The following KALRN variants were observed in gnomAD, a reference collection of about 807,000 sequenced individuals.
KALRN encodes kalirin.
KALRN carries 70 observed loss-of-function variants against 353.7 expected under a neutral mutation model. That is an observed-to-expected ratio of 0.20 (90% CI 0.16 to 0.24). The LOEUF (loss-of-function observed/expected upper bound fraction) is 0.24, where lower values mean the gene tolerates loss of function less well. Ranked by LOEUF, KALRN falls within the 10% of genes least tolerant of loss-of-function variation. The probability of loss-of-function intolerance (pLI) is 1.00; values close to 1 mark genes in which losing one functional copy is unlikely to be tolerated. For synonymous variants in KALRN, 1,391 were observed against 1,434.8 expected (o/e 0.97, Z 0.69); for missense variants, 2,791 against 3,756.7 (o/e 0.74, Z 6.72).
At chr3:124,404,250 C>G (rs2091247010) in intron 13 of KALRN, among the ~76,000 whole-genome samples, 2 of 151,212 alleles carry the variant, frequency 1.3e-5, no homozygotes, top group Admixed American at 6.6e-5. Flanking sequence ...TTTCCTTTAT[C>G]TGAAAAATGG....
At chr3:124,577,171 T>C (rs963739701) in intron 34 of KALRN, among the ~76,000 whole-genome samples, 6 of 151,512 alleles carry the variant, frequency 4.0e-5, no homozygotes, top group Admixed American at 3.9e-4. Context: ...CCCCCTACCT[T>C]GAACCTGGTT....
Position 124,455,247 on chromosome 3 carries a change from C to G in KALRN, c.3623C>G (p.Ala1208Gly). The part of the protein sequence containing the change: ...DSFVEKGHIH[A>G]TEIRKWVTTV... Reference sequence around the variant, plus strand: ...TTTGTGGAAAAAGGCCACATTCATGCCACGGAGATAAGGAAATGGGTGACC... The same window carrying G: ...TTTGTGGAAAAAGGCCACATTCATGGCACGGAGATAAGGAAATGGGTGACC... Residue 1208 changes from alanine to glycine, a missense_variant, in exon 22 of 60, where the codon GCC (alanine) becomes GGC (glycine). Physicochemically the swap from Ala to Gly is moderately conservative, Grantham distance 60. Coordinates refer to ENST00000682506, the MANE Select transcript of KALRN (RefSeq NM_001388419.1). 6.2e-7 allele frequency: 1 copy of G among 1,614,142 alleles called. No individual in the cohort carries two copies. The highest frequency in any genetic ancestry group is 2.2e-5 in the East Asian group (1 of 44,878).
chr3:124,250,133 C>T (rs1487440682), intron 3 of KALRN, among the ~76,000 whole-genome samples: 2 of 152,122 alleles, frequency 1.3e-5, no homozygotes, highest in African/African-American at 4.8e-5. Flanking sequence ...CTGCGTGCTG[C>T]AGGCAAAGAG....
At position 124,384,849 on chromosome 3, in the gene KALRN, C is replaced by T; in HGVS notation, c.1775C>T (p.Thr592Met). ...HDDFEEVAQNTYTNADKLLEA... is the reference protein window; with the variant it reads ...HDDFEEVAQNMYTNADKLLEA... ...CCTCACTGTTGTTGCTGGCAGAATA[C>T]GTACACCAATGCGGACAAGCTCCTA... Residue 592 changes from threonine to methionine, a missense_variant, in exon 11 of 60, where the codon ACG (threonine) becomes ATG (methionine). This residue lies in a region of KALRN where 15 missense variants were observed against 54.6 expected (regional missense o/e 0.27). Transcript: ENST00000682506. 2 of 1,592,832 alleles carry T rather than the reference C, an allele frequency of 1.3e-6. No individual in the cohort carries two copies. The highest frequency in any genetic ancestry group is 1.7e-6 in the Non-Finnish European group (2 of 1,166,768).
chr3:124,347,625 C>T (rs2082411368), intron 10 of KALRN, among the ~76,000 whole-genome samples: 1 of 152,086 alleles, frequency 6.6e-6, no homozygotes, highest in Non-Finnish European at 1.5e-5. Context: ...GTGGTGCTGG[C>T]AGGAGGGAAT....
intron 1 of KALRN, among the ~76,000 whole-genome samples, chr3:124,188,295 T>C (rs2074473882): frequency 6.6e-6 from 1 of 152,110 alleles, no homozygotes; most frequent in Non-Finnish European, 1.5e-5. Context: ...TAATTTAGAT[T>C]CTGCAGTAGA....
intron 33 of KALRN, among the ~76,000 whole-genome samples, chr3:124,561,239 AC>A (rs1464134352): frequency 1.3e-5 from 2 of 152,148 alleles, no homozygotes; most frequent in Non-Finnish European, 2.9e-5. Flanking sequence ...GGGAGTGAAG[AC>A]TGCATTTAAT....
intron 34 of KALRN, among the ~76,000 whole-genome samples, chr3:124,585,219 G>C (rs905538284): frequency 4.6e-5 from 7 of 152,240 alleles, no homozygotes; most frequent in South Asian, 2.1e-4. Context: ...TGCGGACGCG[G>C]GGGTGGGAAG....
chr3:124,527,948 A>G, intron 33 of KALRN, among the ~76,000 whole-genome samples: 1 of 152,248 alleles, frequency 6.6e-6, no homozygotes, highest in Non-Finnish European at 1.5e-5. Flanking sequence ...CAAGTTCTAT[A>G]TGAATCTGGG....
Position 124,462,622 on chromosome 3 carries a change from T to C in KALRN, c.4020T>C (p.Asp1340=), listed in dbSNP as rs185303326. 60 of 1,599,784 alleles carry C rather than the reference T, an allele frequency of 3.8e-5. No individual in the cohort carries two copies. The Admixed American group carries it at 9.5e-4, about 25-fold the overall frequency. The stretch of plus-strand genomic sequence containing the variant: ...TTGGCAACATCCAAGAGATCTACGA[T>C]TTCCATAACAAGTAGGTTTGTGGAG... ...IIFGNIQEIY[D]FHNNIFLKEL... Residue 1340 remains aspartate (D), a synonymous_variant, in exon 25 of 60, where the codon GAT becomes GAC. Transcript: ENST00000682506.
intron 38 of KALRN, among the ~76,000 whole-genome samples, chr3:124,652,261 A>AAGCAGGGC (rs2083497218): frequency 6.6e-6 from 1 of 152,248 alleles, no homozygotes; most frequent in African/African-American, 2.4e-5. Flanking sequence ...CCTGGTTTGA[A>AAGCAGGGC]AGCAGGGCTA....
At chr3:124,569,263 C>T (rs2110021018) in intron 34 of KALRN, among the ~76,000 whole-genome samples, 1 of 152,274 alleles carries the variant, frequency 6.6e-6, no homozygotes, top group African/African-American at 2.4e-5. Context: ...TCCCTGAAGG[C>T]CTCCTGATGA....
intron 33 of KALRN, among the ~76,000 whole-genome samples, chr3:124,557,293 A>G (rs540352171): frequency 6.6e-6 from 1 of 152,092 alleles, no homozygotes; most frequent in Admixed American, 6.5e-5. Flanking sequence ...TTGTTGTAAA[A>G]TTTTCTTCAT....
At chr3:124,366,466 A>G (rs1467382775) in intron 10 of KALRN, among the ~76,000 whole-genome samples, 1 of 149,332 alleles carries the variant, frequency 6.7e-6, no homozygotes, top group Admixed American at 6.7e-5. Flanking sequence ...ACCACCCTTA[A>G]TCCATTTAAC....
chr3:124,181,548 A>T (rs1234388506), intron 1 of KALRN, among the ~76,000 whole-genome samples: 1 of 152,186 alleles, frequency 6.6e-6, no homozygotes, highest in African/African-American at 2.4e-5. Context: ...TACGAAATGC[A>T]TGGCTCTCCC....
At chr3:124,218,807 G>C (rs1170960020) in intron 1 of KALRN, among the ~76,000 whole-genome samples, 4 of 152,184 alleles carry the variant, frequency 2.6e-5, no homozygotes, top group Non-Finnish European at 5.9e-5. Flanking sequence ...AACAGAAATG[G>C]TTGCTCATTA....
chr3:124,584,651 A>G, intron 34 of KALRN: 1 of 1,410,622 alleles, frequency 7.1e-7, no homozygotes, highest in Non-Finnish European at 9.2e-7. Flanking sequence ...CCGCTTCCCA[A>G]GGTGGCAGTG....
At chr3:124,170,206 G>T (rs769754916) in intron 1 of KALRN, among the ~76,000 whole-genome samples, 8 of 152,196 alleles carry the variant, frequency 5.3e-5, no homozygotes. Context: ...AACCTTTAGC[G>T]CCTTCCTGGC....
intron 1 of KALRN, among the ~76,000 whole-genome samples, chr3:124,068,296 C>G (rs1028491516): frequency 3.9e-5 from 6 of 152,214 alleles, no homozygotes; most frequent in Admixed American, 3.3e-4. Context: ...TCAGCCTCTA[C>G]TTGGTGTAAC....
Sources: allele counts gnomAD v4.1 joint callset (sites outside exome capture counted in the v4.1 genomes callset), GRCh38; gene constraint gnomAD v4.1.1; regional missense constraint gnomAD v4.1.1; transcripts MANE v1.5; gene names NCBI Gene and HGNC (gene_info 2026-07-23, HGNC 2026-07-21).